Variants in TLR6 observed in about 807,000 individuals in gnomAD.
TLR6 encodes toll-like receptor 6.
Under a neutral mutation model 16.1 loss-of-function variants are expected in TLR6, and 9 were observed. The observed-to-expected ratio is 0.56, with a 90% CI of 0.34 to 0.98. TLR6 has a LOEUF of 0.98. Ranked by LOEUF, TLR6 falls within the 50% of genes least tolerant of loss-of-function variation. The pLI is 0.02. For missense variants in TLR6, 786 were observed against 921.0 expected (o/e 0.85, Z 1.90); for synonymous variants, 340 against 338.6 (o/e 1.00, Z -0.04).
chr4:38,840,345 A>G (rs1258002342), intron 1 of TLR6, among the ~76,000 whole-genome samples: 2 of 152,200 alleles, frequency 1.3e-5, no homozygotes, highest in East Asian at 3.8e-4. Context: ...TAGGATAAGA[A>G]GACACAGGAC....
At chr4:38,856,042 C>T (rs940094344) in intron 1 of TLR6, among the ~76,000 whole-genome samples, 7 of 152,086 alleles carry the variant, frequency 4.6e-5, no homozygotes, top group African/African-American at 1.7e-4. Context: ...GGAAAGATCA[C>T]ATAATCAAGT....
At chr4:38,841,336 A>G (rs1215571995) in intron 1 of TLR6, among the ~76,000 whole-genome samples, 1 of 152,190 alleles carries the variant, frequency 6.6e-6, no homozygotes, top group African/African-American at 2.4e-5. Context: ...CATCTCTGTA[A>G]TCCCAGCACT....
chr4:38,861,457 CCAACGATT>C (rs1713191897), upstream of TLR6, among the ~76,000 whole-genome samples: 1 of 152,192 alleles, frequency 6.6e-6, no homozygotes, highest in Non-Finnish European at 1.5e-5. Context: ...TCCTCCAGTG[CCAACGATT>C]CCCCAGCCCC....
At chr4:38,855,129 G>A (rs960561299) in intron 1 of TLR6, among the ~76,000 whole-genome samples, 2 of 151,332 alleles carry the variant, frequency 1.3e-5, no homozygotes, top group African/African-American at 2.4e-5. Context: ...GGAGAATGGC[G>A]TGAACCCGGG....
chr4:38,848,997 T>C (rs1244996371), intron 1 of TLR6, among the ~76,000 whole-genome samples: 2 of 151,968 alleles, frequency 1.3e-5, no homozygotes, highest in African/African-American at 2.4e-5. Flanking sequence ...CAAAGTTGAA[T>C]GAAGGAAAAA....
exon 2 of TLR6, chr4:38,824,454 AC>A (rs1156396984): frequency 2.0e-5 from 3 of 152,228 alleles, no homozygotes; most frequent in Non-Finnish European, 2.9e-5. Flanking sequence ...TGTAGGTTTA[AC>A]AAAATTAATG....
intron 1 of TLR6, among the ~76,000 whole-genome samples, chr4:38,833,597 C>T (rs1177680020): frequency 6.6e-6 from 1 of 152,186 alleles, no homozygotes; most frequent in Non-Finnish European, 1.5e-5. Context: ...GCAGCTATTA[C>T]ATCAGATCCA....
At chr4:38,864,079 T>A in the TLR6 span, among the ~76,000 whole-genome samples, 3 of 152,212 alleles carry the variant, frequency 2.0e-5, no homozygotes, top group Admixed American at 6.5e-5. Context: ...CCACTGTTCA[T>A]TTCCCTACTT....
intron 1 of TLR6, among the ~76,000 whole-genome samples, chr4:38,854,525 G>A (rs1025143956): frequency 6.8e-6 from 1 of 147,218 alleles, no homozygotes. Context: ...TTTTTAAAAG[G>A]CAAGATTTTT....
the TLR6 span, chr4:38,867,731 CCCCTCT>C: frequency 3.3e-5 from 5 of 151,076 alleles, no homozygotes; most frequent in Non-Finnish European, 7.4e-5. Flanking sequence ...GGGGCGGGGC[CCCCTCT>C]CCAGCCGCCC....
intron 1 of TLR6, among the ~76,000 whole-genome samples, chr4:38,850,230 G>A (rs914260082): frequency 7.2e-5 from 11 of 152,206 alleles, no homozygotes; most frequent in African/African-American, 2.7e-4. Context: ...AGTTAAAGCA[G>A]TGTGTAGAGG....
exon 2 of TLR6, chr4:38,826,897 G>A: frequency 1.9e-6 from 1 of 535,710 alleles, no homozygotes; most frequent in Non-Finnish European, 3.3e-6. Flanking sequence ...AAGAGACTGG[G>A]CTGTCTCTAA....
At chr4:38,851,029 A>C (rs1200620875) in intron 1 of TLR6, among the ~76,000 whole-genome samples, 3 of 152,146 alleles carry the variant, frequency 2.0e-5, no homozygotes, top group East Asian at 1.9e-4. Flanking sequence ...AAGCTTATCC[A>C]CCATGATCAA....
upstream of TLR6, among the ~76,000 whole-genome samples, chr4:38,860,269 CA>C (rs1287774160): frequency 1.3e-5 from 2 of 152,008 alleles, no homozygotes; most frequent in Non-Finnish European, 2.9e-5. Context: ...GTCAGGAGTT[CA>C]AAACCAGCCT....
At chr4:38,829,300 A>G (rs1218902130) in exon 2 of TLR6, 2 of 1,614,102 alleles carry the variant, frequency 1.2e-6, no homozygotes, top group Non-Finnish European at 1.7e-6. Context: ...TCTGAGACAT[A>G]TCTAAGACTT....
At chr4:38,827,888 T>G (rs748405796) in exon 2 of TLR6, 2 of 1,614,224 alleles carry the variant, frequency 1.2e-6, no homozygotes, top group South Asian at 2.2e-5. Context: ...TTGGAATGGA[T>G]TGTCCCCTGC....
chr4:38,827,543 G>T lies in TLR6; in HGVS notation c.1931C>A (p.Ala644Asp), dbSNP rs746467457. The change falls in exon 2 of 2, where the codon GCT (alanine) becomes GAT (aspartate). Residue 644 changes from alanine to aspartate, a missense_variant. Transcript: ENST00000436693. ...ATCATGTTCACTATATGAAATAAAA[G>T]CATGAAACTGGAGGTTTCTTTGGAG... is the stretch of plus-strand genomic sequence containing the variant. The T allele has an allele frequency of 3.2e-5, 52 of 1,614,048 alleles. No homozygotes were observed. In the South Asian group the frequency reaches 3.8e-4, roughly 12 times the overall value.
chr4:38,861,782 C>T (rs76494200), upstream of TLR6, among the ~76,000 whole-genome samples: 2,310 of 152,210 alleles, frequency 0.015, 249 homozygotes, highest in East Asian at 0.29. Flanking sequence ...ATCTCCTTCT[C>T]GTGTCTAGGT....
intron 1 of TLR6, among the ~76,000 whole-genome samples, chr4:38,847,111 G>A (rs1379558703): frequency 1.3e-5 from 2 of 152,058 alleles, no homozygotes; most frequent in Admixed American, 6.5e-5. Flanking sequence ...AAAAATAGAT[G>A]AGCATCTCTA....
Sources: allele counts gnomAD v4.1 joint callset (sites outside exome capture counted in the v4.1 genomes callset), GRCh38; gene constraint gnomAD v4.1.1; transcripts MANE v1.5; gene names NCBI Gene and HGNC (gene_info 2026-07-23, HGNC 2026-07-21).